SLC29A4: variants seen among roughly 807,000 people sequenced by gnomAD.
SLC29A4 encodes equilibrative nucleoside transporter 4.
In SLC29A4, 36 loss-of-function variants were observed where a neutral mutation model predicts 43.9. That is an observed-to-expected ratio of 0.82 (90% confidence interval 0.63 to 1.08). The LOEUF is 1.08. SLC29A4 is among the 50% of genes least tolerant of loss of function. The pLI, the probability that SLC29A4 is intolerant of heterozygous loss-of-function variation, is 0.00. For missense variants in SLC29A4, 869 were observed against 755.3 expected, an observed-to-expected ratio of 1.15 and a Z score of -1.77; for synonymous variants, 491 against 338.0, an observed-to-expected ratio of 1.45 and a Z score of -4.97.
chr7:5,291,966 G>A (rs1242027019), intron 5 of SLC29A4, 145 bp downstream of exon 5: 8 of 1,159,612 alleles, frequency 6.9e-6, no homozygotes, highest in Admixed American at 2.7e-5. Context: ...GCATGCCAGC[G>A]TGCACACCGG....
In SLC29A4 at chr7:5,306,648, G is replaced by A. The variant is rs1786529102; in HGVS notation, c.*3709G>A. Reference sequence around the variant, plus strand: ...TGTGCCCAGCCGATGAGCTCATTTAGATGGCTGCATGGGGTCACCGCCCCT... The same window carrying A: ...TGTGCCCAGCCGATGAGCTCATTTAAATGGCTGCATGGGGTCACCGCCCCT... On this transcript the variant is annotated 3_prime_UTR_variant, in exon 11 of 11. Coordinates refer to ENST00000396872, the MANE Select transcript of SLC29A4 (RefSeq NM_153247.4). 2 of 152,114 alleles carry A rather than the reference G, an allele frequency of 1.3e-5. No homozygotes were observed. Among genetic ancestry groups the A allele is most frequent in the Non-Finnish European group, 2.9e-5 (2 of 68,022 alleles). 9.4% of individuals were successfully genotyped at this position (152,114 alleles called of 1,614,324 possible). A position where few individuals can be genotyped will look rare whatever the true frequency, so the allele number is the denominator to read the frequency against.
chr7:5,303,595 G>A lies in SLC29A4; in HGVS notation c.*656G>A, dbSNP rs114107269. On this transcript the variant is annotated 3_prime_UTR_variant, in exon 11 of 11. Transcript: ENST00000396872. ...CACAGCAGTGATGCCAGCTGGGCAC[G>A]TCAGGACCTCCCCACACACCCACAC... The A allele has an allele frequency of 0.024, 3,669 of 152,900 alleles. 175 individuals carry two copies. The highest frequency in any genetic ancestry group is 0.084 in the African/African-American group (3,501 of 41,572). 9.5% of individuals were successfully genotyped at this position (152,900 alleles called of 1,614,324 possible).
intron 1 of SLC29A4, among the ~76,000 whole-genome samples, chr7:5,284,044 ACCCC>A (rs1562437338): frequency 1.1e-4 from 3 of 27,814 alleles, no homozygotes; most frequent in Non-Finnish European, 2.7e-4. Context: ...CCCCCCCCCC[ACCCC>A]CGACTTGGCC....
rs758281048 is a variant in SLC29A4 at position 5,298,998 on chromosome 7, C to T, written c.893C>T (p.Ala298Val). The T allele has an allele frequency of 5.0e-6, 8 of 1,609,450 alleles. No homozygotes were observed. Among genetic ancestry groups the T allele is most frequent in the Middle Eastern group, 1.9e-4 (1 of 5,134 alleles). ...VAGDVHFEHP[A>V]PALAPNESPK... ...CCATCCTCCCTCCAGGAGCACCCAG[C>T]CCCGGCCCTGGCCCCCAACGAGTCC... Residue 298 changes from alanine (A) to valine (V), a missense_variant, in exon 8 of 11, where the codon GCC becomes GTC. Ala to Val is a moderately conservative substitution (Grantham distance 64). Transcript: ENST00000396872.
intron 2 of SLC29A4, among the ~76,000 whole-genome samples, chr7:5,290,026 T>C (rs1047468244): frequency 4.2e-4 from 63 of 150,088 alleles, no homozygotes; most frequent in Non-Finnish European, 4.1e-4. Flanking sequence ...GCTGGAAATA[T>C]AGGCGTGCAC....
Position 5,305,725 on chromosome 7 carries a change from T to G in SLC29A4, c.*2786T>G, listed in dbSNP as rs1416256495. On this transcript the variant is annotated 3_prime_UTR_variant, in exon 11 of 11. Coordinates refer to ENST00000396872, the MANE Select transcript of SLC29A4 (RefSeq NM_153247.4). ...GGCATGTGCCACCATGCCCGGCTAA[T>G]TTTGTGCTTTTAGTAGAGACGAGGT... is the stretch of plus-strand genomic sequence containing the variant. The G allele has an allele frequency of 6.7e-6, 1 of 150,244 alleles. No individual in the cohort carries two copies. Among genetic ancestry groups the G allele is most frequent in the East Asian group, 2.0e-4 (1 of 5,094 alleles). The allele number at this position is 150,244 out of a possible 1,614,324, so 9.3% of individuals were successfully genotyped here. A position where few individuals can be genotyped will look rare whatever the true frequency, so the allele number is the denominator to read the frequency against.
intron 7 of SLC29A4, among the ~76,000 whole-genome samples, chr7:5,298,465 C>T (rs1241042364): frequency 6.6e-6 from 1 of 152,014 alleles, no homozygotes; most frequent in Non-Finnish European, 1.5e-5. Context: ...AGAGGGTTCA[C>T]AGGAATGATG....
chr7:5,302,029 C>T (rs1786202653), intron 10 of SLC29A4, among the ~76,000 whole-genome samples: 2 of 152,180 alleles, frequency 1.3e-5, no homozygotes, highest in Admixed American at 1.3e-4. Context: ...CAGCTCACTG[C>T]AACCTCTGCC....
At chr7:5,283,344 G>A (rs1475972044) in intron 1 of SLC29A4, among the ~76,000 whole-genome samples, 1 of 147,178 alleles carries the variant, frequency 6.8e-6, no homozygotes, top group Non-Finnish European at 1.5e-5. Flanking sequence ...CCTGAGCACC[G>A]CGCGGGGGTC....
At position 5,300,630 on chromosome 7, in the gene SLC29A4, G is replaced by T; in HGVS notation, c.1418G>T (p.Gly473Val). ...AGCGTGCCCATGATCCTGGCGGCAGGCAAAGTGAGCCCCAAGCAGCGGGAG... is the reference window on the plus strand; with the variant it reads ...AGCGTGCCCATGATCCTGGCGGCAGTCAAAGTGAGCCCCAAGCAGCGGGAG... ...FGSVPMILAA[G>V]KVSPKQRELA... The change falls in exon 10 of 11, where the codon GGC becomes GTC. Residue 473 changes from glycine (G) to valine (V), a missense_variant. Coordinates refer to ENST00000396872, the MANE Select transcript of SLC29A4 (RefSeq NM_153247.4). 1.2e-6 allele frequency: 2 copies of T among 1,609,760 alleles called. No individual in the cohort carries two copies. Among genetic ancestry groups the T allele is most frequent in the Non-Finnish European group, 1.7e-6 (2 of 1,178,688 alleles).
rs1430307353 is a variant in SLC29A4 at position 5,297,109 on chromosome 7, C to T, written c.793C>T (p.Pro265Ser). Reference protein sequence around the residue: ...SRFVLFYTTRPRDSHRGRPGL... With the variant: ...SRFVLFYTTRSRDSHRGRPGL... ...CTTCGTGCTCTTCTATACCACACGGCCGCGTGACAGCCACCGGGGCAGGCC... is the reference window on the plus strand; with the variant it reads ...CTTCGTGCTCTTCTATACCACACGGTCGCGTGACAGCCACCGGGGCAGGCC... The change falls in exon 7 of 11, where the codon CCG becomes TCG. Residue 265 changes from proline to serine, a missense_variant. By Grantham distance (74) the Pro-to-Ser change is moderately conservative. Transcript: ENST00000396872. 1.2e-6 allele frequency: 2 copies of T among 1,607,190 alleles called. No homozygotes were observed. The highest frequency in any genetic ancestry group is 8.5e-7 in the Non-Finnish European group (1 of 1,179,672).
At chr7:5,288,201 G>A (rs756858355) in intron 2 of SLC29A4, among the ~76,000 whole-genome samples, 5 of 151,928 alleles carry the variant, frequency 3.3e-5, no homozygotes, top group Non-Finnish European at 5.9e-5. Flanking sequence ...GGGCCCTGCC[G>A]ACAGCCCCAG....
At chr7:5,299,554 G>C (rs1273110685) in intron 9 of SLC29A4, 127 bp downstream of exon 9, 1 of 1,076,776 alleles carries the variant, frequency 9.3e-7, no homozygotes, top group Non-Finnish European at 1.3e-6. Flanking sequence ...AAGGGCAAGA[G>C]CTGTGCAGTG....
At position 5,287,961 on chromosome 7, in the gene SLC29A4, G is replaced by A; in HGVS notation, c.145G>A (p.Gly49Ser). 1 of 1,609,994 alleles carries A rather than the reference G, an allele frequency of 6.2e-7. No homozygotes were observed. Among genetic ancestry groups the A allele is most frequent in the Non-Finnish European group, 8.5e-7 (1 of 1,179,238 alleles). The change falls in exon 2 of 11, where the codon GGC becomes AGC. Residue 49 changes from glycine to serine, a missense_variant. By Grantham distance (56) the Gly-to-Ser change is moderately conservative. Transcript: ENST00000396872. ...TCAGGGCCAGGGCCTTAGGGCCAGG[G>A]GCGTCCCAGCTTTCACGGATACTAG... ...AAQGQGLRARGVPAFTDTTLD... is the reference protein window; with the variant it reads ...AAQGQGLRARSVPAFTDTTLD...
intron 10 of SLC29A4, among the ~76,000 whole-genome samples, chr7:5,301,372 G>A (rs1278158703): frequency 1.3e-5 from 2 of 152,120 alleles, no homozygotes; most frequent in East Asian, 1.9e-4. Context: ...AGTCAGGCTC[G>A]GGAGCCAGCA....
chr7:5,301,288 G>A (rs1448443878), intron 10 of SLC29A4, among the ~76,000 whole-genome samples: 10 of 151,326 alleles, frequency 6.6e-5, no homozygotes, highest in African/African-American at 2.2e-4. Flanking sequence ...ATCCCAGATC[G>A]GCGTGACTGG....
At chr7:5,285,414 C>A (rs996752643) in intron 1 of SLC29A4, among the ~76,000 whole-genome samples, 2 of 152,212 alleles carry the variant, frequency 1.3e-5, no homozygotes, top group Non-Finnish European at 2.9e-5. Flanking sequence ...GTAGTGGGTA[C>A]CAATTACCTG....
At chr7:5,291,283 C>T (rs759271014) in intron 4 of SLC29A4, 46 bp downstream of exon 4, 9 of 1,553,332 alleles carry the variant, frequency 5.8e-6, no homozygotes, top group East Asian at 2.3e-5. Context: ...ATGGCTTCCA[C>T]CTGCCTGGCC....
chr7:5,284,876 A>G (rs912148168), intron 1 of SLC29A4, among the ~76,000 whole-genome samples: 1 of 152,218 alleles, frequency 6.6e-6, no homozygotes, highest in Non-Finnish European at 1.5e-5. Flanking sequence ...GCCTCCGGGC[A>G]AGGCAGAAAC....
Sources: allele counts gnomAD v4.1 joint callset (sites outside exome capture counted in the v4.1 genomes callset), GRCh38; gene constraint gnomAD v4.1.1; transcripts MANE v1.5; gene names NCBI Gene and HGNC (gene_info 2026-07-23, HGNC 2026-07-21).